The following ARHGEF28 variants were observed in gnomAD, a reference collection of about 807,000 sequenced individuals.
ARHGEF28 encodes the protein Rho guanine nucleotide exchange factor 28, also known as 190 kDa guanine nucleotide exchange factor.
A neutral mutation model predicts 206.6 loss-of-function variants in ARHGEF28; 152 were observed. The observed-to-expected ratio is 0.74, with a 90% CI of 0.64 to 0.84. The LOEUF is 0.84. Ranked by LOEUF, ARHGEF28 falls within the 40% of genes least tolerant of loss-of-function variation. The pLI is 0.00. For missense variants in ARHGEF28, 2,028 were observed against 2,073.2 expected (o/e 0.98, Z 0.42); for synonymous variants, 763 against 776.4 (o/e 0.98, Z 0.29).
chr5:73,721,861 C>T (rs1034799066), intron 2 of ARHGEF28, among the ~76,000 whole-genome samples: 4 of 152,172 alleles, frequency 2.6e-5, no homozygotes, highest in Non-Finnish European at 4.4e-5. Flanking sequence ...TGCATGGGAA[C>T]TATTTAGGAA....
intron 9 of ARHGEF28, among the ~76,000 whole-genome samples, chr5:73,829,235 C>T (rs59810887): frequency 0.16 from 24,107 of 152,232 alleles, 1,992 homozygotes; most frequent in African/African-American, 0.18. Flanking sequence ...TATTTTCTTT[C>T]AATCATTCTG....
intron 9 of ARHGEF28, among the ~76,000 whole-genome samples, chr5:73,816,951 G>T (rs1756250695): frequency 6.6e-6 from 1 of 151,786 alleles, no homozygotes; most frequent in Non-Finnish European, 1.5e-5. Context: ...CTGATTTTCT[G>T]TTTTTTTGTT....
At position 73,922,973 on chromosome 5, in the gene ARHGEF28, A is replaced by G. The variant is rs1285158608; in HGVS notation, c.4948+11398A>G. On this transcript the variant is annotated intron_variant, in intron 35 of 35. Coordinates refer to ENST00000513042, the MANE Select transcript of ARHGEF28 (RefSeq NM_001177693.2). ...GAAAAATACCAAGTTTTGCAAATGC[A>G]AAGTACTTTTCATTGGCATGGAAAT... 3 of 984,812 alleles carry G rather than the reference A, an allele frequency of 3.0e-6. No individual in the cohort carries two copies. In the Admixed American group the frequency reaches 7.1e-5, roughly 23 times the overall value. The allele number at this position is 984,812 out of a possible 1,614,324, so 61.0% of individuals were successfully genotyped here.
intron 9 of ARHGEF28, among the ~76,000 whole-genome samples, chr5:73,816,001 C>T (rs1756184432): frequency 6.6e-6 from 1 of 152,088 alleles, no homozygotes; most frequent in African/African-American, 2.4e-5. Context: ...GCGAGCTGGA[C>T]AGAGTCCCAG....
chr5:73,864,925 T>C (rs1044857096), intron 17 of ARHGEF28, 53 bp downstream of exon 17: 2 of 1,521,332 alleles, frequency 1.3e-6, no homozygotes, highest in South Asian at 1.2e-5. Flanking sequence ...CTTCATAGTA[T>C]CTATTTGAGC....
intron 2 of ARHGEF28, among the ~76,000 whole-genome samples, chr5:73,703,801 G>T (rs1292312971): frequency 7.2e-5 from 11 of 152,068 alleles, no homozygotes; most frequent in Non-Finnish European, 1.6e-4. Context: ...ACTTTGGGAG[G>T]CCGAGGCGGG....
chr5:73,822,592 C>T (rs1382945798), intron 9 of ARHGEF28, among the ~76,000 whole-genome samples: 1 of 152,066 alleles, frequency 6.6e-6, no homozygotes, highest in African/African-American at 2.4e-5. Context: ...GAGGAATGGG[C>T]GAGGAGATGA....
chr5:73,895,584 C>T (rs1224319640), intron 29 of ARHGEF28, among the ~76,000 whole-genome samples: 1 of 152,144 alleles, frequency 6.6e-6, no homozygotes, highest in East Asian at 1.9e-4. Flanking sequence ...GATAAACCAG[C>T]CACCTCCTGA....
At chr5:73,815,189 G>A (rs769744083) in intron 9 of ARHGEF28, among the ~76,000 whole-genome samples, 1,440 of 107,490 alleles carry the variant, frequency 0.013, 16 homozygotes, top group Non-Finnish European at 0.017. Context: ...TGATTCAGGG[G>A]GTATATATAT....
At chr5:73,739,186 C>G (rs572700264) in intron 2 of ARHGEF28, among the ~76,000 whole-genome samples, 52 of 151,946 alleles carry the variant, frequency 3.4e-4, no homozygotes, top group African/African-American at 1.3e-3. Flanking sequence ...CTTGATAAAA[C>G]TTTATTATTA....
At chr5:73,773,704 TA>T in intron 4 of ARHGEF28, 150 bp from the exon 5 acceptor site, 1 of 867,838 alleles carries the variant, frequency 1.2e-6, no homozygotes, top group Non-Finnish European at 1.7e-6. Context: ...TCCAAATTTG[TA>T]AAATGAGATA....
intron 7 of ARHGEF28, among the ~76,000 whole-genome samples, chr5:73,782,166 C>T (rs141632045): frequency 0.016 from 2,403 of 149,092 alleles, 57 homozygotes; most frequent in African/African-American, 0.056. Flanking sequence ...TGGCTGGGCA[C>T]GGTGGCTCAC....
In ARHGEF28 at chr5:73,909,619, A is replaced by G; in HGVS notation, c.4369A>G (p.Arg1457Gly). Residue 1457 changes from arginine (R) to glycine (G), a missense_variant, in exon 34 of 36, where the codon AGG (arginine) becomes GGG (glycine). Coordinates refer to ENST00000513042, the MANE Select transcript of ARHGEF28 (RefSeq NM_001177693.2). ...LQQEQRRWLR[R>G]CEQQQRAQAT... The stretch of plus-strand genomic sequence containing the variant: ...GCAGGAGCAGCGGCGCTGGCTGCGC[A>G]GGTGTGAGCAGCAGCAGCGGGCGCA... The G allele has an allele frequency of 1.3e-6, 2 of 1,551,650 alleles. No individual in the cohort carries two copies. Among genetic ancestry groups the G allele is most frequent in the Non-Finnish European group, 1.7e-6 (2 of 1,147,756 alleles).
Position 73,753,125 on chromosome 5 carries a change from A to T in ARHGEF28, c.398A>T (p.Asp133Val). ...ALTAGALPAL[D>V]EELVLALTHL... The stretch of plus-strand genomic sequence containing the variant: ...ACGGCAGGAGCACTGCCTGCCTTGG[A>T]TGAGGAGCTCGTGCTGGCTCTGACC... Residue 133 changes from aspartate (D) to valine (V), a missense_variant, in exon 4 of 36, where the codon GAT (aspartate) becomes GTT (valine). Asp to Val is a radical substitution (Grantham distance 152). Around this residue, in one of 3 missense-constraint regions of ARHGEF28, gnomAD observed 1,002 missense variants for 1,015.3 expected, o/e 0.99. Transcript: ENST00000513042. 1 of 1,582,980 alleles carries T rather than the reference A, an allele frequency of 6.3e-7. No homozygotes were observed. Among genetic ancestry groups the T allele is most frequent in the South Asian group, 1.2e-5 (1 of 83,844 alleles).
At chr5:73,862,787 G>T (rs945098083) in intron 16 of ARHGEF28, among the ~76,000 whole-genome samples, 3 of 151,210 alleles carry the variant, frequency 2.0e-5, no homozygotes, top group African/African-American at 7.3e-5. Context: ...CTTTTATTCA[G>T]CTCTATCTCT....
At chr5:73,899,945 G>C (rs1464065396) in intron 30 of ARHGEF28, 2 of 152,254 alleles carry the variant, frequency 1.3e-5, no homozygotes, top group Non-Finnish European at 2.9e-5. Context: ...GTGAGAAACA[G>C]AGTGGTGAAT....
At chr5:73,754,851 A>G (rs1414328038) in intron 4 of ARHGEF28, among the ~76,000 whole-genome samples, 4 of 151,680 alleles carry the variant, frequency 2.6e-5, no homozygotes, top group Non-Finnish European at 2.9e-5. Context: ...TGTATGTCAC[A>G]TGCCTGGCTA....
intron 1 of ARHGEF28, among the ~76,000 whole-genome samples, chr5:73,661,201 A>G (rs183033339): frequency 1.1e-4 from 17 of 152,300 alleles, no homozygotes; most frequent in African/African-American, 3.9e-4. Flanking sequence ...TTGCACTTTG[A>G]TGTTCTGGAG....
At chr5:73,762,175 G>A (rs534762427) in intron 4 of ARHGEF28, among the ~76,000 whole-genome samples, 37 of 151,968 alleles carry the variant, frequency 2.4e-4, no homozygotes, top group African/African-American at 6.0e-4. Flanking sequence ...CTATTTTGAG[G>A]CTGAGTGTGG....
Sources: gnomAD v4.1 joint callset for allele counts (sites outside exome capture counted in the v4.1 genomes callset) on GRCh38, gnomAD v4.1.1 for gene constraint, gnomAD v4.1.1 regional missense constraint, MANE v1.5 for transcripts, NCBI Gene and HGNC (gene_info 2026-07-23, HGNC 2026-07-21) for gene names.